Variants in INSR observed in about 807,000 individuals in gnomAD.
INSR encodes IR.
A neutral mutation model predicts 142.6 loss-of-function variants in INSR; 67 were observed. That is an observed-to-expected ratio of 0.47 (90% CI 0.39 to 0.58). INSR has a LOEUF of 0.58. INSR is among the 20% of genes least tolerant of loss of function. The pLI is 0.00. For missense variants in INSR, 1,248 were observed against 1,833.2 expected, an observed-to-expected ratio of 0.68 and a Z score of 5.83; for synonymous variants, 756 against 743.1, an observed-to-expected ratio of 1.02 and a Z score of -0.28.
chr19:7,152,500 T>C, intron 10 of INSR: 1 of 596,172 alleles, frequency 1.7e-6, no homozygotes, highest in Non-Finnish European at 3.0e-6. Context: ...CTGAGTTTTG[T>C]CCATTTTTCC....
At chr19:7,259,957 T>C (rs182970581) in intron 2 of INSR, among the ~76,000 whole-genome samples, 115 of 152,094 alleles carry the variant, frequency 7.6e-4, no homozygotes, top group Non-Finnish European at 9.3e-4. Context: ...CTGAGCCACA[T>C]AGCAAGACTC....
At chr19:7,205,006 G>A (rs1975069602) in intron 2 of INSR, among the ~76,000 whole-genome samples, 2 of 151,864 alleles carry the variant, frequency 1.3e-5, no homozygotes, top group Non-Finnish European at 2.9e-5. Context: ...ATCGCTTGAA[G>A]CCAGGAGGCA....
At chr19:7,132,057 G>T in intron 14 of INSR, 101 bp downstream of exon 14, 1 of 1,454,468 alleles carries the variant, frequency 6.9e-7, no homozygotes, top group Non-Finnish European at 9.6e-7. Flanking sequence ...GTCAAGGCCA[G>T]GGCCAGCACC....
At chr19:7,210,111 G>A (rs909061962) in intron 2 of INSR, among the ~76,000 whole-genome samples, 2 of 151,902 alleles carry the variant, frequency 1.3e-5, no homozygotes, top group South Asian at 2.1e-4. Flanking sequence ...TTAGGAGGCC[G>A]AGGCGGGTGG....
At chr19:7,235,971 C>CT (rs34478636) in intron 2 of INSR, among the ~76,000 whole-genome samples, 46,891 of 129,716 alleles carry the variant, frequency 0.36, 8,833 homozygotes, top group East Asian at 0.72. Context: ...CTGGCCTTTC[C>CT]TTTTTTTTTT....
At chr19:7,235,249 C>T (rs531743114) in intron 2 of INSR, among the ~76,000 whole-genome samples, 3 of 152,176 alleles carry the variant, frequency 2.0e-5, no homozygotes, top group East Asian at 3.9e-4. Flanking sequence ...ACCTGCAGCT[C>T]GTCCACCCTT....
At chr19:7,123,218 G>C (rs113541551) in intron 17 of INSR, 54 of 522,696 alleles carry the variant, frequency 1.0e-4, no homozygotes, top group African/African-American at 9.6e-4. Flanking sequence ...ACCCAGGCTA[G>C]AGTGCAGTGG....
In INSR at chr19:7,267,326, C is replaced by A. The variant is rs375576967; in HGVS notation, c.652+19G>T. The A allele has an allele frequency of 4.3e-5, 69 of 1,613,052 alleles. No individual in the cohort carries two copies. Among genetic ancestry groups the A allele is most frequent in the East Asian group, 3.6e-4 (16 of 44,892 alleles). The stretch of plus-strand genomic sequence containing the variant: ...ACAAGGCACGAGACACTGCTTAGAA[C>A]CCTGTATCCCCGGCGTACCTTTCTG... On this transcript the variant is annotated intron_variant, in intron 2 of 21. Coordinates refer to ENST00000302850, the MANE Select transcript of INSR (RefSeq NM_000208.4). This position sits in a 1 kb window ranked among gnomAD's most constrained non-coding sequence, Gnocchi z 6.3.
Position 7,153,048 on chromosome 19 carries a change from C to CATCACACAACACA in INSR, c.2030-122_2030-121insTGTGTTGTGTGAT, listed in dbSNP as rs1568449127. The CATCACACAACACA allele has an allele frequency of 1.7e-3, 528 of 312,794 alleles. 14 individuals carry two copies. The East Asian group carries it at 0.065, about 38-fold the overall frequency. 19.4% of individuals were successfully genotyped at this position (312,794 alleles called of 1,614,324 possible). On this transcript the variant is annotated intron_variant, in intron 9 of 21. Transcript: ENST00000302850. ...ACACCACACACACACACACCACACA[C>CATCACACAACACA]CCCCCCACACACACACACCACACAC...
intron 2 of INSR, among the ~76,000 whole-genome samples, chr19:7,250,338 GAA>G (rs998905790): frequency 2.4e-4 from 36 of 149,660 alleles, no homozygotes; most frequent in African/African-American, 8.9e-4. Context: ...GAGAGAAAAA[GAA>G]AGAGGAGGGA....
Position 7,216,653 on chromosome 19 carries a change from GC to G in INSR, c.653-32017del, listed in dbSNP as rs1346411750. On this transcript the variant is annotated intron_variant, in intron 2 of 21. Transcript: ENST00000302850. The surrounding 1 kb of genome is among the most constrained non-coding windows in gnomAD (Gnocchi z 4.2). Reference sequence around the variant, plus strand: ...ACAGCAAGGCCATCAGGATGCTGGGGCCCCGTATCCACCTCTCACCAAGGCC... The same window carrying G: ...ACAGCAAGGCCATCAGGATGCTGGGGCCCGTATCCACCTCTCACCAAGGCC... Among the ~76,000 whole-genome samples the G allele has an allele frequency of 6.6e-6, 1 of 152,134 alleles. No individual in the cohort carries two copies. Among genetic ancestry groups the G allele is most frequent in the Non-Finnish European group, 1.5e-5 (1 of 68,024 alleles).
chr19:7,216,835 G>A lies in INSR; in HGVS notation c.653-32198C>T, dbSNP rs73490712. On this transcript the variant is annotated intron_variant, in intron 2 of 21. Coordinates refer to ENST00000302850, the MANE Select transcript of INSR (RefSeq NM_000208.4). The surrounding 1 kb of genome is among the most constrained non-coding windows in gnomAD (Gnocchi z 4.2). ...TACATTTATTATTTTCTCCTGCATC[G>A]GGATCTTACTCTGTTGCCTAGGCTG... Among the ~76,000 whole-genome samples, 4,679 of 152,032 alleles carry A rather than the reference G, an allele frequency of 0.031. 241 individuals carry two copies. The highest frequency in any genetic ancestry group is 0.11 in the African/African-American group (4,377 of 41,438).
chr19:7,168,242 C>T lies in INSR; in HGVS notation c.1484-148G>A, dbSNP rs1192781107. The T allele has an allele frequency of 2.4e-6, 2 of 826,780 alleles. No homozygotes were observed. The highest frequency in any genetic ancestry group is 3.9e-6 in the Non-Finnish European group (2 of 511,318). 51.2% of individuals were successfully genotyped at this position (826,780 alleles called of 1,614,324 possible). A position where few individuals can be genotyped will look rare whatever the true frequency, so the allele number is the denominator to read the frequency against. Reference sequence around the variant, plus strand: ...AAGGGTCTCCTCCCCATGTGCCTGGCTGAGTATGAATGGGGGAAGATTCAA... The same window carrying T: ...AAGGGTCTCCTCCCCATGTGCCTGGTTGAGTATGAATGGGGGAAGATTCAA... On this transcript the variant is annotated intron_variant, in intron 6 of 21. Coordinates refer to ENST00000302850, the MANE Select transcript of INSR (RefSeq NM_000208.4). The surrounding 1 kb of genome is among the most constrained non-coding windows in gnomAD (Gnocchi z 4.3).
intron 2 of INSR, among the ~76,000 whole-genome samples, chr19:7,222,766 G>C (rs928338888): frequency 6.6e-6 from 1 of 152,164 alleles, no homozygotes; most frequent in African/African-American, 2.4e-5. Context: ...CCTTGGGGAG[G>C]GCCAGGCTGT....
At position 7,116,961 on chromosome 19, in the gene INSR, G is replaced by C; in HGVS notation, c.*95C>G. The C allele has an allele frequency of 2.1e-6, 2 of 939,290 alleles. No individual in the cohort carries two copies. Among genetic ancestry groups the C allele is most frequent in the Non-Finnish European group, 3.5e-6 (2 of 564,766 alleles). 58.2% of individuals were successfully genotyped at this position (939,290 alleles called of 1,614,324 possible). On this transcript the variant is annotated 3_prime_UTR_variant, in exon 22 of 22. Coordinates refer to ENST00000302850, the MANE Select transcript of INSR (RefSeq NM_000208.4). ...CGATCTCTGAACTCCATTGGACATG[G>C]TAGAGTCGTGAGAATCCTGAGTTTT...
Position 7,152,917 on chromosome 19 carries a change from C to A in INSR, c.2040G>T (p.Leu680=). 6.2e-7 allele frequency: 1 copy of A among 1,611,424 alleles called. No individual in the cohort carries two copies. The highest frequency in any genetic ancestry group is 8.5e-7 in the Non-Finnish European group (1 of 1,179,550). The part of the protein sequence containing the change: ...ELDYCLKGLK[L]PSRTWSPPFE... ...ATGGTGGAGACCAGGTCCTCGAGGG[C>A]AGCTTCAGCCCTGGAGAAAGAAACA... The change falls in exon 10 of 22, where the codon CTG becomes CTT. Residue 680 remains leucine, a synonymous_variant. Transcript: ENST00000302850.
At chr19:7,200,869 A>G in intron 2 of INSR, among the ~76,000 whole-genome samples, 1 of 150,764 alleles carries the variant, frequency 6.6e-6, no homozygotes, top group Non-Finnish European at 1.5e-5. Context: ...CAAAAAAAAA[A>G]AAAAAAAAAA....
chr19:7,132,421 C>T (rs1568434719), intron 13 of INSR, 104 bp from the exon 14 acceptor site: 32 of 1,331,080 alleles, frequency 2.4e-5, no homozygotes, highest in Non-Finnish European at 2.7e-5. Flanking sequence ...TCAGAAATGA[C>T]GCCAAGGCAG....
chr19:7,158,509 AAAAAG>A (rs923799862), intron 9 of INSR, among the ~76,000 whole-genome samples: 1 of 152,124 alleles, frequency 6.6e-6, no homozygotes. Context: ...TCAAAAAAAT[AAAAAG>A]AAAAGAAAAG....
Sources: gnomAD v4.1 joint callset for allele counts (sites outside exome capture counted in the v4.1 genomes callset) on GRCh38, gnomAD v4.1.1 for gene constraint, Gnocchi (gnomAD v3.1) non-coding constraint, MANE v1.5 for transcripts, NCBI Gene and HGNC (gene_info 2026-07-23, HGNC 2026-07-21) for gene names.